Variants in BAZ2B observed in about 807,000 individuals in gnomAD.
The protein encoded by BAZ2B is bromodomain adjacent to zinc finger domain 2B.
In BAZ2B, 91 loss-of-function variants were observed where a neutral mutation model predicts 246.0. The observed-to-expected ratio is 0.37, with a 90% CI of 0.31 to 0.44. BAZ2B has a LOEUF of 0.44. BAZ2B is among the 20% of genes least tolerant of loss of function. The pLI is 1.00. For missense variants in BAZ2B, 2,332 were observed against 2,533.7 expected, an observed-to-expected ratio of 0.92 and a Z score of 1.71; for synonymous variants, 855 against 860.0, an observed-to-expected ratio of 0.99 and a Z score of 0.10.
chr2:159,433,586 A>C (rs181247075), intron 8 of BAZ2B: 85 of 412,464 alleles, frequency 2.1e-4, no homozygotes, highest in African/African-American at 1.5e-3. Flanking sequence ...ATTAAAAATT[A>C]TATGCCTTTT....
chr2:159,524,796 G>T (rs1225198815), intron 2 of BAZ2B, among the ~76,000 whole-genome samples: 1 of 151,992 alleles, frequency 6.6e-6, no homozygotes, highest in African/African-American at 2.4e-5. Context: ...AGTAACTAAG[G>T]TTATCTTTAA....
the BAZ2B span, among the ~76,000 whole-genome samples, chr2:159,641,686 T>C: frequency 6.6e-6 from 1 of 152,164 alleles, no homozygotes; most frequent in Non-Finnish European, 1.5e-5. Flanking sequence ...GGTTTTTAGT[T>C]TTGGGTTTTA....
chr2:159,642,313 C>T, the BAZ2B span, among the ~76,000 whole-genome samples: 62 of 150,048 alleles, frequency 4.1e-4, no homozygotes, highest in African/African-American at 1.3e-3. Flanking sequence ...TCTTGGCTCA[C>T]TGCAACCTCT....
the BAZ2B span, among the ~76,000 whole-genome samples, chr2:159,641,473 T>C: frequency 6.6e-6 from 1 of 152,222 alleles, no homozygotes; most frequent in Non-Finnish European, 1.5e-5. Flanking sequence ...CCTTGTCAGA[T>C]GCATAGTTGG....
chr2:159,679,758 A>G, the BAZ2B span, among the ~76,000 whole-genome samples: 3 of 152,248 alleles, frequency 2.0e-5, no homozygotes, highest in Admixed American at 2.0e-4. Context: ...TCTTTTAAGC[A>G]TGAGGATATG....
At chr2:159,395,410 G>A (rs2063877530) in intron 20 of BAZ2B, 1 of 157,668 alleles carries the variant, frequency 6.3e-6, no homozygotes, top group African/African-American at 2.4e-5. Context: ...AGAAATCCAT[G>A]GTCGGAATGA....
Position 159,598,920 on chromosome 2 carries a change from C to T in BAZ2B, c.-46+17322G>A, listed in dbSNP as rs550846967. Among the ~76,000 whole-genome samples, 8 of 152,122 alleles carry T rather than the reference C, an allele frequency of 5.3e-5. No homozygotes were observed. In the East Asian group the frequency reaches 1.5e-3, roughly 29 times the overall value. On this transcript the variant is annotated intron_variant, in intron 1 of 36. Coordinates refer to ENST00000392783, the MANE Select transcript of BAZ2B (RefSeq NM_013450.4). The stretch of plus-strand genomic sequence containing the variant: ...TGGTGGCAAGAGTGAAACTCTGTCT[C>T]ATAAATACATACATACATACATACA...
Position 159,433,315 on chromosome 2 carries a change from A to G in BAZ2B, c.1342T>C (p.Ser448Pro), listed in dbSNP as rs779606275. The G allele has an allele frequency of 1.9e-5, 30 of 1,613,922 alleles. No homozygotes were observed. In the Admixed American group the frequency reaches 5.0e-4, roughly 27 times the overall value. ...FPSQLKKQES[S>P]KSLKKVIAAL... is the part of the protein sequence containing the mutation. Reference sequence around the variant, plus strand: ...GCAATAACCTTCTTCAGGCTCTTCGATGACTCTTGTTTCTTTAACTGTGAT... The same window carrying G: ...GCAATAACCTTCTTCAGGCTCTTCGGTGACTCTTGTTTCTTTAACTGTGAT... The change falls in exon 9 of 37, where the codon TCG becomes CCG. Residue 448 changes from serine (S) to proline (P), a missense_variant. Ser to Pro is a moderately conservative substitution (Grantham distance 74, BLOSUM62 -1). This residue lies in a region of BAZ2B where 651 missense variants were observed against 650.9 expected (regional missense o/e 1.00). Transcript: ENST00000392783.
intron 2 of BAZ2B, among the ~76,000 whole-genome samples, chr2:159,481,439 T>C (rs1165440181): frequency 6.6e-6 from 1 of 150,486 alleles, no homozygotes; most frequent in Non-Finnish European, 1.5e-5. Context: ...TATATATAAA[T>C]AATAAAAACA....
intron 36 of BAZ2B, among the ~76,000 whole-genome samples, chr2:159,323,969 C>T (rs557344545): frequency 8.5e-5 from 13 of 152,118 alleles, no homozygotes; most frequent in South Asian, 6.2e-4. Flanking sequence ...AACCTTTGGA[C>T]GGCTGTTATT....
intron 36 of BAZ2B, among the ~76,000 whole-genome samples, 162 bp downstream of exon 36, chr2:159,324,625 TACACACACACACACACACACACAC>T (rs60009917): frequency 0.25 from 33,470 of 132,960 alleles, 4,695 homozygotes; most frequent in Admixed American, 0.44. Context: ...TCTAACCAAA[TACACACACACACACACACACACAC>T]ACACACACAC....
the BAZ2B span, chr2:159,695,065 T>A: frequency 6.6e-6 from 1 of 152,254 alleles, no homozygotes; most frequent in Non-Finnish European, 1.5e-5. Context: ...ATTTCCCTAA[T>A]GACTGCTGAG....
the BAZ2B span, among the ~76,000 whole-genome samples, chr2:159,624,722 G>A: frequency 6.6e-6 from 1 of 152,166 alleles, no homozygotes; most frequent in Non-Finnish European, 1.5e-5. Context: ...TGAAGATGGG[G>A]AGAAACCAGC....
chr2:159,678,247 A>G, the BAZ2B span, among the ~76,000 whole-genome samples: 1 of 152,206 alleles, frequency 6.6e-6, no homozygotes. Context: ...CATTCCATTG[A>G]AAAAGAACCT....
At chr2:159,373,655 A>AC (rs922822842) in intron 26 of BAZ2B, among the ~76,000 whole-genome samples, 1 of 152,014 alleles carries the variant, frequency 6.6e-6, no homozygotes, top group Admixed American at 6.6e-5. Flanking sequence ...ACATAGTGAG[A>AC]CCCCATCTCT....
chr2:159,645,445 A>C, the BAZ2B span, among the ~76,000 whole-genome samples: 1 of 152,104 alleles, frequency 6.6e-6, no homozygotes, highest in South Asian at 2.1e-4. Context: ...GTTCCACCTC[A>C]GATCATCAGG....
At chr2:159,541,421 G>T (rs946267936) in intron 2 of BAZ2B, among the ~76,000 whole-genome samples, 1 of 152,008 alleles carries the variant, frequency 6.6e-6, no homozygotes, top group Admixed American at 6.5e-5. Flanking sequence ...GGGATTTCAG[G>T]TGCCCACCAC....
intron 8 of BAZ2B, chr2:159,437,612 C>G (rs1044615754): frequency 6.6e-6 from 1 of 152,088 alleles, no homozygotes; most frequent in Non-Finnish European, 1.5e-5. Flanking sequence ...CTTGAGTTCA[C>G]TTCTTTGAAA....
chr2:159,495,207 C>T (rs564354066), intron 2 of BAZ2B, among the ~76,000 whole-genome samples: 6 of 151,916 alleles, frequency 3.9e-5, no homozygotes, highest in South Asian at 2.1e-4. Flanking sequence ...ATATGAAGGC[C>T]GGGCGCGGTG....
Sources: gnomAD v4.1 joint callset for allele counts (sites outside exome capture counted in the v4.1 genomes callset) on GRCh38, gnomAD v4.1.1 for gene constraint, gnomAD v4.1.1 regional missense constraint, MANE v1.5 for transcripts, NCBI Gene and HGNC (gene_info 2026-07-23, HGNC 2026-07-21) for gene names.